Variants in CDC42BPB observed in about 807,000 individuals in gnomAD.
The protein encoded by CDC42BPB is serine/threonine-protein kinase MRCK beta.
CDC42BPB carries 37 observed loss-of-function variants against 214.9 expected under a neutral mutation model. The ratio of observed to expected loss-of-function variants is 0.17; its 90% confidence interval spans 0.13 to 0.23. CDC42BPB has a LOEUF of 0.23. CDC42BPB is among the 10% of genes least tolerant of loss of function. The probability of loss-of-function intolerance (pLI) is 1.00; values close to 1 mark genes in which losing one functional copy is unlikely to be tolerated. For missense variants in CDC42BPB, 1,694 were observed against 2,227.0 expected (o/e 0.76, Z 4.82); for synonymous variants, 931 against 884.0 (o/e 1.05, Z -0.94).
chr14:102,947,824 C>A (rs1391849711), intron 26 of CDC42BPB, 22 bp from the exon 27 acceptor site: 7 of 1,612,010 alleles, frequency 4.3e-6, no homozygotes, highest in Admixed American at 1.7e-5. Flanking sequence ...GAAACATTGA[C>A]CCCGCTGGGA....
intron 17 of CDC42BPB, among the ~76,000 whole-genome samples, chr14:102,966,789 T>G (rs894093892): frequency 6.6e-6 from 1 of 152,324 alleles, no homozygotes; most frequent in Middle Eastern, 3.4e-3. Context: ...CTGCCTCCCC[T>G]GTCTCTGAGA....
rs1003129061 is a variant in CDC42BPB, at chr14:102,975,888, A to G, written c.1382T>C (p.Leu461Pro). Residue 461 changes from leucine (L) to proline (P), a missense_variant, in exon 10 of 37, where the codon CTG becomes CCG. Transcript: ENST00000361246. ...EQEKLELSRKLQESTQTVQSL... is the reference protein window; with the variant it reads ...EQEKLELSRKPQESTQTVQSL... ...GGAGCCGGCGCTGCCCTCACCTTGC[A>G]GCTTCCTGCTCAGCTCCAGCTTCTC... 7 of 1,614,012 alleles carry G rather than the reference A, an allele frequency of 4.3e-6. No individual in the cohort carries two copies. Among genetic ancestry groups the G allele is most frequent in the Non-Finnish European group, 5.9e-6 (7 of 1,180,014 alleles).
chr14:103,006,643 T>A (rs886761223), intron 3 of CDC42BPB, among the ~76,000 whole-genome samples: 3 of 152,204 alleles, frequency 2.0e-5, no homozygotes, highest in African/African-American at 7.2e-5. Context: ...TTTTTATAAA[T>A]CAGTATTATA....
At chr14:103,038,321 G>C (rs536534392) in intron 1 of CDC42BPB, among the ~76,000 whole-genome samples, 1 of 149,338 alleles carries the variant, frequency 6.7e-6, no homozygotes, top group Non-Finnish European at 1.5e-5. Flanking sequence ...CTGGACAACA[G>C]AGCGAGCGAG....
chr14:102,952,634 G>T, intron 23 of CDC42BPB, 31 bp from the exon 24 acceptor site: 1 of 1,600,960 alleles, frequency 6.2e-7, no homozygotes, highest in Non-Finnish European at 8.5e-7. Context: ...ACACTGAGGT[G>T]AACCATGGAC....
At chr14:103,012,356 A>G in intron 1 of CDC42BPB, 168 bp from the exon 2 acceptor site, 2 of 945,114 alleles carry the variant, frequency 2.1e-6, no homozygotes, top group Non-Finnish European at 2.5e-6. Flanking sequence ...ATGGACACAG[A>G]TGTGGATCCT....
chr14:102,959,139 A>T (rs979173236), intron 21 of CDC42BPB, among the ~76,000 whole-genome samples: 3 of 151,846 alleles, frequency 2.0e-5, no homozygotes, highest in Admixed American at 2.0e-4. Context: ...TCTACTAAAA[A>T]TACAAAAATT....
At chr14:102,986,081 G>GT (rs1239065870) in intron 6 of CDC42BPB, among the ~76,000 whole-genome samples, 12 of 152,216 alleles carry the variant, frequency 7.9e-5, no homozygotes, top group Non-Finnish European at 1.8e-4. Context: ...CTAGCAGGAA[G>GT]TTACCTGCCC....
At chr14:102,938,284 G>A (rs372921257) in intron 35 of CDC42BPB, 22 bp downstream of exon 35, 44 of 1,604,900 alleles carry the variant, frequency 2.7e-5, no homozygotes, top group South Asian at 3.4e-5. Flanking sequence ...CCAGGGCTGC[G>A]GGGGCCAGGC....
intron 30 of CDC42BPB, among the ~76,000 whole-genome samples, chr14:102,942,894 A>G (rs1010789979): frequency 6.6e-6 from 1 of 151,982 alleles, no homozygotes; most frequent in African/African-American, 2.4e-5. Flanking sequence ...TTTAAGACGG[A>G]GTCTCGCTCT....
At chr14:102,963,230 TGA>T in intron 19 of CDC42BPB, 75 bp from the exon 20 acceptor site, 1 of 1,525,714 alleles carries the variant, frequency 6.6e-7, no homozygotes, top group Non-Finnish European at 8.7e-7. Context: ...CAGGTCAGGA[TGA>T]GAGAGCCGGG....
chr14:103,009,130 A>G (rs1886008699), intron 2 of CDC42BPB, among the ~76,000 whole-genome samples: 1 of 152,156 alleles, frequency 6.6e-6, no homozygotes, highest in African/African-American at 2.4e-5. Context: ...CCTGTAAGCT[A>G]CTCACTGGCA....
intron 6 of CDC42BPB, among the ~76,000 whole-genome samples, chr14:102,985,192 G>T (rs1430023872): frequency 1.1e-4 from 16 of 150,534 alleles, no homozygotes; most frequent in African/African-American, 3.9e-4. Flanking sequence ...TGACAGGGTG[G>T]TGTGGAGGTG....
At position 102,964,864 on chromosome 14, in the gene CDC42BPB, ATTTAC is replaced by A. The variant is rs1311376895; in HGVS notation, c.2578-219_2578-215del. 37 of 603,358 alleles carry A rather than the reference ATTTAC, an allele frequency of 6.1e-5. No individual in the cohort carries two copies. In the South Asian group the frequency reaches 7.3e-4, roughly 12 times the overall value. 37.4% of individuals were successfully genotyped at this position (603,358 alleles called of 1,614,324 possible). ...AAATCTTCTAAAAAATAACTAAATAATTTACTTTATCTTTTAGAAGAATAAAAGTG... is the reference window on the plus strand; with the variant it reads ...AAATCTTCTAAAAAATAACTAAATAATTTATCTTTTAGAAGAATAAAAGTG... On this transcript the variant is annotated intron_variant, in intron 18 of 36. Transcript: ENST00000361246.
At chr14:103,013,840 C>A (rs1390802698) in intron 1 of CDC42BPB, among the ~76,000 whole-genome samples, 2 of 152,194 alleles carry the variant, frequency 1.3e-5, no homozygotes, top group African/African-American at 4.8e-5. Context: ...TTAAGCCCCC[C>A]ACTTTGTGGC....
rs1036796186 is a variant in CDC42BPB, at chr14:103,004,540, A to G, written c.352-517T>C. Among the ~76,000 whole-genome samples, 3 of 152,234 alleles carry G rather than the reference A, an allele frequency of 2.0e-5. No individual in the cohort carries two copies. The highest frequency in any genetic ancestry group is 7.2e-5 in the African/African-American group (3 of 41,460). On this transcript the variant is annotated intron_variant, in intron 3 of 36. Transcript: ENST00000361246. The surrounding 1 kb of genome is among the most constrained non-coding windows in gnomAD (Gnocchi z 5.3). ...TAGGGAGGCCTACAGCCAGCAGCACAGGGCAAGAGGCTGCCCTCTACCCTG... is the reference window on the plus strand; with the variant it reads ...TAGGGAGGCCTACAGCCAGCAGCACGGGGCAAGAGGCTGCCCTCTACCCTG...
Position 103,046,937 on chromosome 14 carries a change from C to T in CDC42BPB, c.175+10062G>A, listed in dbSNP as rs552607215. On this transcript the variant is annotated intron_variant, in intron 1 of 36. Coordinates refer to ENST00000361246, the MANE Select transcript of CDC42BPB (RefSeq NM_006035.4). The stretch of plus-strand genomic sequence containing the variant: ...AAGTGCTGGGATTACAGGCAGGAGC[C>T]GCCGCGCCCAGCCTTACATTGAATT... Among the ~76,000 whole-genome samples, 914 of 151,888 alleles carry T rather than the reference C, an allele frequency of 6.0e-3. 13 individuals carry two copies. The highest frequency in any genetic ancestry group is 0.021 in the African/African-American group (873 of 41,464).
In CDC42BPB at chr14:102,933,764, T is replaced by TG. The variant is rs780343468; in HGVS notation, c.5083dup (p.His1695ProfsTer16). 2 of 1,495,984 alleles carry TG rather than the reference T, an allele frequency of 1.3e-6. No individual in the cohort carries two copies. Among genetic ancestry groups the TG allele is most frequent in the South Asian group, 1.4e-5 (1 of 71,776 alleles). 92.7% of individuals were successfully genotyped at this position (1,495,984 alleles called of 1,614,324 possible). ...GCCTTCGAGGGGGAGCTGGCTCCTG[T>TG]GGGGGGAGTTGGGGCTCGGTGGGCC... On this transcript the variant is annotated frameshift_variant, in exon 37 of 37. Transcript: ENST00000361246. LOFTEE classifies it high-confidence loss of function.
intron 3 of CDC42BPB, 88 bp downstream of exon 3, chr14:103,008,384 T>C: frequency 2.3e-6 from 2 of 852,828 alleles, no homozygotes; most frequent in South Asian, 2.8e-5. Context: ...GGCTGTGGGG[T>C]GGCTGCAGCT....
Sources: gnomAD v4.1 joint callset for allele counts (sites outside exome capture counted in the v4.1 genomes callset) on GRCh38, gnomAD v4.1.1 for gene constraint, Gnocchi (gnomAD v3.1) non-coding constraint, MANE v1.5 for transcripts, NCBI Gene and HGNC (gene_info 2026-07-23, HGNC 2026-07-21) for gene names.